Variants in KCNH7 observed in about 807,000 individuals in gnomAD.
KCNH7 encodes voltage-gated inwardly rectifying potassium channel KCNH7.
KCNH7 carries 49 observed loss-of-function variants against 120.8 expected under a neutral mutation model. The observed-to-expected ratio is 0.41, with a 90% CI of 0.32 to 0.51. The LOEUF is 0.51. KCNH7 is among the 20% of genes least tolerant of loss of function. The pLI is 0.38. For missense variants in KCNH7, 1,097 were observed against 1,446.6 expected, an observed-to-expected ratio of 0.76 and a Z score of 3.92; for synonymous variants, 547 against 516.1, an observed-to-expected ratio of 1.06 and a Z score of -0.81.
chr2:162,750,383 T>C (rs1034050683), intron 2 of KCNH7, among the ~76,000 whole-genome samples: 3 of 146,084 alleles, frequency 2.1e-5, no homozygotes, highest in Non-Finnish European at 4.4e-5. Context: ...TAGCATATAC[T>C]GTATAGTAAA....
chr2:162,691,170 C>T (rs953845900), intron 2 of KCNH7, among the ~76,000 whole-genome samples: 3 of 152,108 alleles, frequency 2.0e-5, no homozygotes, highest in South Asian at 2.1e-4. Context: ...TGACTATACA[C>T]CTTAACTATA....
intron 2 of KCNH7, among the ~76,000 whole-genome samples, chr2:162,634,354 C>T (rs1267341148): frequency 2.0e-5 from 3 of 151,748 alleles, no homozygotes; most frequent in South Asian, 2.1e-4. Context: ...AAGGGCATGC[C>T]GTCTTTATAT....
At chr2:162,807,846 C>A (rs1407145326) in intron 2 of KCNH7, among the ~76,000 whole-genome samples, 3 of 152,056 alleles carry the variant, frequency 2.0e-5, no homozygotes, top group Non-Finnish European at 4.4e-5. Context: ...CCACACCCAG[C>A]TAATTTTTGT....
chr2:162,651,956 G>A (rs1684581160), intron 2 of KCNH7, among the ~76,000 whole-genome samples: 2 of 152,120 alleles, frequency 1.3e-5, no homozygotes, highest in Non-Finnish European at 2.9e-5. Flanking sequence ...AATGATCAGT[G>A]ATATTGAGCT....
intron 2 of KCNH7, among the ~76,000 whole-genome samples, chr2:162,808,314 G>A (rs974042177): frequency 2.6e-5 from 4 of 152,218 alleles, no homozygotes; most frequent in East Asian, 1.9e-4. Context: ...AAGGCCAACC[G>A]TTCCATAAAT....
At chr2:162,714,093 G>A (rs913575953) in intron 2 of KCNH7, among the ~76,000 whole-genome samples, 13 of 152,168 alleles carry the variant, frequency 8.5e-5, no homozygotes, top group Admixed American at 8.5e-4. Flanking sequence ...TCTGAGTTCC[G>A]TGCCAGCCTA....
chr2:162,398,257 T>C (rs963468569), intron 10 of KCNH7, among the ~76,000 whole-genome samples: 3 of 151,860 alleles, frequency 2.0e-5, no homozygotes, highest in Non-Finnish European at 4.4e-5. Flanking sequence ...CACCTCACTG[T>C]AGAAGCTATC....
At chr2:162,746,755 G>T (rs915871152) in intron 2 of KCNH7, among the ~76,000 whole-genome samples, 1 of 151,952 alleles carries the variant, frequency 6.6e-6, no homozygotes. Flanking sequence ...TTTTATTTCT[G>T]CAAAGAAAAC....
chr2:162,397,939 G>T (rs1279148013), intron 10 of KCNH7, among the ~76,000 whole-genome samples: 1 of 151,824 alleles, frequency 6.6e-6, no homozygotes, highest in East Asian at 1.9e-4. Context: ...GATTCCAGAT[G>T]CATCCAGAGT....
intron 2 of KCNH7, among the ~76,000 whole-genome samples, chr2:162,548,870 T>G (rs1692570321): frequency 6.6e-6 from 1 of 152,170 alleles, no homozygotes; most frequent in African/African-American, 2.4e-5. Flanking sequence ...CCTTGTATAC[T>G]GAAAAAGTAT....
At chr2:162,476,386 A>G (rs186906363) in intron 6 of KCNH7, among the ~76,000 whole-genome samples, 3 of 152,350 alleles carry the variant, frequency 2.0e-5, no homozygotes, top group East Asian at 3.9e-4. Flanking sequence ...GCATCTTAAT[A>G]CATTCAGTAA....
At chr2:162,581,543 A>C (rs545814842) in intron 2 of KCNH7, among the ~76,000 whole-genome samples, 115 of 152,154 alleles carry the variant, frequency 7.6e-4, no homozygotes, top group African/African-American at 2.7e-3. Context: ...AGGTTATATC[A>C]CCTGCTTGTC....
intron 2 of KCNH7, among the ~76,000 whole-genome samples, chr2:162,685,294 T>C (rs1195463262): frequency 6.6e-6 from 1 of 152,026 alleles, no homozygotes; most frequent in African/African-American, 2.4e-5. Flanking sequence ...TGTATACCTA[T>C]GTAAAAGACC....
intron 3 of KCNH7, among the ~76,000 whole-genome samples, chr2:162,533,635 TATGA>T (rs1340536205): frequency 1.3e-5 from 2 of 151,628 alleles, no homozygotes; most frequent in African/African-American, 4.8e-5. Flanking sequence ...ACCTATGAAA[TATGA>T]ATATCTATGA....
intron 2 of KCNH7, among the ~76,000 whole-genome samples, chr2:162,661,499 A>T (rs1684956767): frequency 6.6e-6 from 1 of 152,236 alleles, no homozygotes; most frequent in South Asian, 2.1e-4. Context: ...TGAACATGAA[A>T]GGTCATTGTA....
Position 162,537,056 on chromosome 2 carries a change from T to A in KCNH7, c.332A>T (p.His111Leu). The A allele has an allele frequency of 6.2e-7, 1 of 1,612,310 alleles. No individual in the cohort carries two copies. The highest frequency in any genetic ancestry group is 8.5e-7 in the Non-Finnish European group (1 of 1,178,756). Reference protein sequence around the residue: ...KNGSTFICNTHIIPVKNQEGV... With the variant: ...KNGSTFICNTLIIPVKNQEGV... ...CTCTTGGTTTTTCACTGGAATTATG[T>A]GAGTGTTACAAATAAAAGTGGACCC... is the stretch of plus-strand genomic sequence containing the variant. The change falls in exon 3 of 16, where the codon CAC becomes CTC. Residue 111 changes from histidine (H) to leucine (L), a missense_variant. Transcript: ENST00000332142.
chr2:162,630,787 C>A (rs1206440604), intron 2 of KCNH7, among the ~76,000 whole-genome samples: 1 of 152,028 alleles, frequency 6.6e-6, no homozygotes, highest in Non-Finnish European at 1.5e-5. Context: ...AGAAAATAAC[C>A]TTTAAAAAAT....
At position 162,784,018 on chromosome 2, in the gene KCNH7, A is replaced by G. The variant is rs182938086; in HGVS notation, c.307+52519T>C. 1.6e-3 allele frequency among the ~76,000 whole-genome samples: 247 copies of G among 152,278 alleles called. 1 individual carries two copies. The highest frequency in any genetic ancestry group is 4.9e-3 in the African/African-American group (204 of 41,568). On this transcript the variant is annotated intron_variant, in intron 2 of 15. Coordinates refer to ENST00000332142, the MANE Select transcript of KCNH7 (RefSeq NM_033272.4). ...ATAAAATATATGTTGATATCCTTTA[A>G]AAAAACAAGTTTCAGGAATTCTCAT...
intron 2 of KCNH7, among the ~76,000 whole-genome samples, chr2:162,647,337 TA>T (rs1167084163): frequency 6.6e-6 from 1 of 152,108 alleles, no homozygotes; most frequent in African/African-American, 2.4e-5. Flanking sequence ...ATAGCTACAG[TA>T]AAAAGCAGCT....
Sources: allele counts gnomAD v4.1 joint callset (sites outside exome capture counted in the v4.1 genomes callset), GRCh38; gene constraint gnomAD v4.1.1; transcripts MANE v1.5; gene names NCBI Gene and HGNC (gene_info 2026-07-23, HGNC 2026-07-21).